The following GFI1 variants were observed in gnomAD, a reference collection of about 807,000 sequenced individuals.
GFI1 encodes growth factor independent 1 transcriptional repressor.
GFI1 carries 15 observed loss-of-function variants against 39.2 expected under a neutral mutation model. The ratio of observed to expected loss-of-function variants is 0.38; its 90% CI spans 0.26 to 0.59. The LOEUF (loss-of-function observed/expected upper bound fraction) is 0.59. GFI1 is among the 20% of genes least tolerant of loss of function. The pLI is 0.62. For missense variants in GFI1, 475 were observed against 574.0 expected, an observed-to-expected ratio of 0.83 and a Z score of 1.76; for synonymous variants, 239 against 254.3, an observed-to-expected ratio of 0.94 and a Z score of 0.57.
rs200635146 is a variant in GFI1 at position 92,481,952 on chromosome 1, T to TGTGTGTGCGCGCGC, written c.299-865_299-864insGCGCGCGCACACAC. ...ATTTACAAATGTGTGTGTGTGTGTG[T>TGTGTGTGCGCGCGC]GCGCACAACACTCCAGTTCAGGCTG... On this transcript the variant is annotated intron_variant, in intron 3 of 6. Coordinates refer to ENST00000294702, the MANE Select transcript of GFI1 (RefSeq NM_005263.5). This position sits in a 1 kb window ranked among gnomAD's most constrained non-coding sequence, Gnocchi z 4.3. Among the ~76,000 whole-genome samples, 3 of 148,802 alleles carry TGTGTGTGCGCGCGC rather than the reference T, an allele frequency of 2.0e-5. No homozygotes were observed. The highest frequency in any genetic ancestry group is 5.0e-5 in the African/African-American group (2 of 40,072).
intron 6 of GFI1, among the ~76,000 whole-genome samples, chr1:92,478,246 G>A (rs2101562239): frequency 6.6e-6 from 1 of 152,268 alleles, no homozygotes; most frequent in South Asian, 2.1e-4. Flanking sequence ...AAGCTTTAGA[G>A]CAACTCTCTA....
intron 6 of GFI1, 114 bp downstream of exon 6, chr1:92,478,474 G>T: frequency 1.1e-6 from 1 of 896,764 alleles, no homozygotes; most frequent in Non-Finnish European, 1.9e-6. Context: ...ACAGAGCAGA[G>T]AATAACTCCA....
In GFI1 at chr1:92,484,125, C is replaced by G. The variant is rs1333966088; in HGVS notation, c.-99-539G>C. ...TGAAAGGACCGGGGGGAGGGGGGAA[C>G]AGAACACAAGATAAAACTGTGGGGC... is the stretch of plus-strand genomic sequence containing the variant. On this transcript the variant is annotated intron_variant, in intron 1 of 6. Transcript: ENST00000294702. This position sits in a 1 kb window ranked among gnomAD's most constrained non-coding sequence, Gnocchi z 4.1. Among the ~76,000 whole-genome samples the G allele has an allele frequency of 6.6e-6, 1 of 151,712 alleles. No individual in the cohort carries two copies. The highest frequency in any genetic ancestry group is 2.4e-5 in the African/African-American group (1 of 41,234).
chr1:92,478,673 T>C lies in GFI1; in HGVS notation c.1005A>G (p.Ser335=). 6.2e-7 allele frequency: 1 copy of C among 1,613,860 alleles called. No homozygotes were observed. Among genetic ancestry groups the C allele is most frequent in the Non-Finnish European group, 8.5e-7 (1 of 1,179,974 alleles). ...STLSTHLLIH[S]DTRPYPCQYC... is the part of the protein sequence containing the mutation. ...ACTGACAGGGGTAGGGCCGAGTGTC[T>C]GAGTGGATAAGCAGGTGTGTGGACA... The change falls in exon 6 of 7, where the codon TCA becomes TCG. Residue 335 remains serine (S), a synonymous_variant. Transcript: ENST00000294702.
chr1:92,478,757 CAGAGAGAGAGAG>C lies in GFI1; in HGVS notation c.925-16_925-5del, dbSNP rs35896485. The C allele has an allele frequency of 6.4e-4, 972 of 1,520,566 alleles. No individual in the cohort carries two copies. The highest frequency in any genetic ancestry group is 1.1e-3 in the Middle Eastern group (5 of 4,448). The allele number at this position is 1,520,566 out of a possible 1,614,324, so 94.2% of individuals were successfully genotyped here. ...TCTTACAGTCAAAGCTCCGTTCCTGCAGAGAGAGAGAGAGAGAGAGAGAGAGAGAGAGAGAGA... is the reference window on the plus strand; with the variant it reads ...TCTTACAGTCAAAGCTCCGTTCCTGCAGAGAGAGAGAGAGAGAGAGAGAGA... On this transcript the variant is annotated splice_polypyrimidine_tract_variant and splice_region_variant and intron_variant, in intron 5 of 6. Coordinates refer to ENST00000294702, the MANE Select transcript of GFI1 (RefSeq NM_005263.5).
At chr1:92,486,224 G>A (rs1658520480) in intron 1 of GFI1, among the ~76,000 whole-genome samples, 1 of 152,144 alleles carries the variant, frequency 6.6e-6, no homozygotes, top group South Asian at 2.1e-4. Context: ...GGGCGGCCGG[G>A]CGCGCTCCTT....
chr1:92,486,592 G>C (rs1187660963), intron 1 of GFI1, 134 bp downstream of exon 1: 1 of 123,330 alleles, frequency 8.1e-6, no homozygotes, highest in East Asian at 2.7e-4. Flanking sequence ...GTGAATCACC[G>C]GCCCGCGGTG....
rs41313373 is a variant in GFI1 at position 92,474,854 on chromosome 1, C to T, written c.*1175G>A. 0.095 allele frequency: 14,459 copies of T among 152,544 alleles called. 888 individuals are homozygous for T. The highest frequency in any genetic ancestry group is 0.13 in the Non-Finnish European group (8,671 of 67,994). The allele number at this position is 152,544 out of a possible 1,614,324, so 9.4% of individuals were successfully genotyped here. A position where few individuals can be genotyped will look rare whatever the true frequency, so the allele number is the denominator to read the frequency against. ...TACCAGAAGATCTAAAAACATTTAC[C>T]AACCTCATCAAAGTGAAAATACCAC... On this transcript the variant is annotated 3_prime_UTR_variant, in exon 7 of 7. Coordinates refer to ENST00000294702, the MANE Select transcript of GFI1 (RefSeq NM_005263.5).
Position 92,476,224 on chromosome 1 carries a change from G to A in GFI1, c.1091-17C>T, listed in dbSNP as rs1284065199. 2 of 1,606,418 alleles carry A rather than the reference G, an allele frequency of 1.2e-6. No individual in the cohort carries two copies. Among genetic ancestry groups the A allele is most frequent in the East Asian group, 2.2e-5 (1 of 44,730 alleles). ...GCTTCTCACCTGTGGGGATGGGAGG[G>A]GGAGGGGAGAAAGTATGAGTCTATG... On this transcript the variant is annotated splice_polypyrimidine_tract_variant and intron_variant, in intron 6 of 6. Transcript: ENST00000294702.
At position 92,474,732 on chromosome 1, in the gene GFI1, A is replaced by G. The variant is rs1299420098; in HGVS notation, c.*1297T>C. ...CAGACTAAAACAAAGGTCTTCCCCA[A>G]ATTCCCTGCCTAAAGGAAAGGCAAT... On this transcript the variant is annotated 3_prime_UTR_variant, in exon 7 of 7. Coordinates refer to ENST00000294702, the MANE Select transcript of GFI1 (RefSeq NM_005263.5). 6.6e-6 allele frequency: 1 copy of G among 152,658 alleles called. No homozygotes were observed. Among genetic ancestry groups the G allele is most frequent in the African/African-American group, 2.4e-5 (1 of 41,446 alleles). The allele number at this position is 152,658 out of a possible 1,614,324, so 9.5% of individuals were successfully genotyped here.
chr1:92,477,040 C>T (rs1658012015), intron 6 of GFI1, among the ~76,000 whole-genome samples: 2 of 152,090 alleles, frequency 1.3e-5, no homozygotes, highest in Admixed American at 1.3e-4. Context: ...TTCCAATAGC[C>T]CAGCATGGCA....
rs1285775965 is a variant in GFI1 at position 92,482,238 on chromosome 1, G to A, written c.298+626C>T. Among the ~76,000 whole-genome samples the A allele has an allele frequency of 6.6e-6, 1 of 151,278 alleles. No homozygotes were observed. Among genetic ancestry groups the A allele is most frequent in the Admixed American group, 6.6e-5 (1 of 15,208 alleles). ...GGCTGGTCTGCTCATTCCTTCCCCC[G>A]GCCGGGACTCGAGACGCCCCCACCC... On this transcript the variant is annotated intron_variant, in intron 3 of 6. Coordinates refer to ENST00000294702, the MANE Select transcript of GFI1 (RefSeq NM_005263.5). The surrounding 1 kb of genome is among the most constrained non-coding windows in gnomAD (Gnocchi z 4.4).
At position 92,483,588 on chromosome 1, in the gene GFI1, TGA is replaced by T; in HGVS notation, c.-99-4_-99-3del. ...GCTCAGCCCCAGCCCGGAGGAGACCTGAGAGGGAAAGAAAACCAGGTGGAGAC... is the reference window on the plus strand; with the variant it reads ...GCTCAGCCCCAGCCCGGAGGAGACCTGAGGGAAAGAAAACCAGGTGGAGAC... On this transcript the variant is annotated splice_polypyrimidine_tract_variant and splice_region_variant and intron_variant, in intron 1 of 6. Coordinates refer to ENST00000294702, the MANE Select transcript of GFI1 (RefSeq NM_005263.5). The T allele has an allele frequency of 1.3e-6, 1 of 747,320 alleles. No individual in the cohort carries two copies. Among genetic ancestry groups the T allele is most frequent in the Non-Finnish European group, 2.4e-6 (1 of 417,102 alleles). The allele number at this position is 747,320 out of a possible 1,614,324, so 46.3% of individuals were successfully genotyped here. A position where few individuals can be genotyped will look rare whatever the true frequency, so the allele number is the denominator to read the frequency against.
chr1:92,481,487 A>C lies in GFI1; in HGVS notation c.299-399T>G, dbSNP rs1658252612. The stretch of plus-strand genomic sequence containing the variant: ...GAAGGTGGCGGCCGTTCGGCCCCTC[A>C]CAGCACTCAAGGGCGGAAGGGTCCA... On this transcript the variant is annotated intron_variant, in intron 3 of 6. Transcript: ENST00000294702. The surrounding 1 kb of genome is among the most constrained non-coding windows in gnomAD (Gnocchi z 4.3). Among the ~76,000 whole-genome samples the C allele has an allele frequency of 1.3e-5, 2 of 152,214 alleles. No homozygotes were observed. The highest frequency in any genetic ancestry group is 6.5e-5 in the Admixed American group (1 of 15,286).
intron 5 of GFI1, among the ~76,000 whole-genome samples, chr1:92,479,412 A>G (rs1188415200): frequency 2.6e-5 from 4 of 152,158 alleles, no homozygotes; most frequent in African/African-American, 7.2e-5. Flanking sequence ...AGCTATTGGC[A>G]TATTTACTTG....
rs1023090980 is a variant in GFI1 at position 92,486,905 on chromosome 1, G to A, written c.-279C>T. 2.6e-5 allele frequency: 4 copies of A among 151,456 alleles called. No individual in the cohort carries two copies. Among genetic ancestry groups the A allele is most frequent in the Admixed American group, 2.6e-4 (4 of 15,208 alleles). 9.4% of individuals were successfully genotyped at this position (151,456 alleles called of 1,614,324 possible). A position where few individuals can be genotyped will look rare whatever the true frequency, so the allele number is the denominator to read the frequency against. ...GCGCGGAGCTCGCCGGCTCTCGACC[G>A]GGTCCGCTCAGCCTTCGACTAATTT... On this transcript the variant is annotated 5_prime_UTR_variant, in exon 1 of 7. Transcript: ENST00000294702.
intron 1 of GFI1, chr1:92,485,881 T>G (rs1658504070): frequency 6.6e-6 from 1 of 152,152 alleles, no homozygotes; most frequent in African/African-American, 2.4e-5. Context: ...CTCTCTGGGC[T>G]CCCGCACGGC....
In GFI1 at chr1:92,482,424, G is replaced by GT. The variant is rs1658301826; in HGVS notation, c.298+439_298+440insA. The stretch of plus-strand genomic sequence containing the variant: ...AGCCGCGGGCTGAGATTTTCGTCCT[G>GT]CCCCCTCCCTGCCGCCCAGCGCCTA... On this transcript the variant is annotated intron_variant, in intron 3 of 6. Coordinates refer to ENST00000294702, the MANE Select transcript of GFI1 (RefSeq NM_005263.5). This position sits in a 1 kb window ranked among gnomAD's most constrained non-coding sequence, Gnocchi z 4.4. Among the ~76,000 whole-genome samples the GT allele has an allele frequency of 6.6e-6, 1 of 151,880 alleles. No individual in the cohort carries two copies.
Position 92,480,473 on chromosome 1 carries a change from G to A in GFI1, c.799C>T (p.Pro267Ser). Residue 267 changes from proline to serine, a missense_variant, in exon 5 of 7, where the codon CCG becomes TCG. By Grantham distance (74) the Pro-to-Ser change is moderately conservative. Around this residue, in one of 4 missense-constraint regions of GFI1, gnomAD observed 79 missense variants for 68.4 expected, o/e 1.15. Transcript: ENST00000294702. This position sits in a 1 kb window ranked among gnomAD's most constrained non-coding sequence, Gnocchi z 5.6. ...CIKCSKVFST[P>S]HGLEVHVRRS... ...CGCACGTGCACCTCGAGCCCGTGCG[G>A]CGTGGAGAACACCTAAGGCGGGTGG... The A allele has an allele frequency of 6.5e-7, 1 of 1,550,172 alleles. No homozygotes were observed. Among genetic ancestry groups the A allele is most frequent in the Non-Finnish European group, 8.7e-7 (1 of 1,146,594 alleles).
Sources: allele counts gnomAD v4.1 joint callset (sites outside exome capture counted in the v4.1 genomes callset), GRCh38; gene constraint gnomAD v4.1.1; regional missense constraint gnomAD v4.1.1; non-coding constraint Gnocchi (gnomAD v3.1); transcripts MANE v1.5; gene names NCBI Gene and HGNC (gene_info 2026-07-23, HGNC 2026-07-21).